The following DLEC1 variants were observed in gnomAD, a reference collection of about 807,000 sequenced individuals.
The protein encoded by DLEC1 is DLEC1 cilia and flagella associated protein.
A neutral mutation model predicts 198.1 loss-of-function variants in DLEC1; 146 were observed. That is an observed-to-expected ratio of 0.74 (90% CI 0.64 to 0.85). The LOEUF (loss-of-function observed/expected upper bound fraction) is 0.85, where lower values mean the gene tolerates loss of function less well. DLEC1 is among the 40% of genes least tolerant of loss of function. DLEC1 has a pLI of 0.00. For synonymous variants in DLEC1, 897 were observed against 866.8 expected (o/e 1.03, Z -0.61); for missense variants, 2,233 against 2,220.0 (o/e 1.01, Z -0.12).
chr3:38,068,159 C>T lies in DLEC1; in HGVS notation c.1173+4240C>T, dbSNP rs547025169. Among the ~76,000 whole-genome samples, 15 of 152,228 alleles carry T rather than the reference C, an allele frequency of 9.9e-5. 1 individual carries two copies. The highest frequency in any genetic ancestry group is 4.1e-4 in the South Asian group (2 of 4,820). ...GCACAGCACTACATCCTCTGCATGC[C>T]GTAGATTACAAACAAGTCACTAAGG... On this transcript the variant is annotated intron_variant, in intron 6 of 36. Transcript: ENST00000308059.
chr3:38,053,073 G>C (rs1244722529), intron 2 of DLEC1, among the ~76,000 whole-genome samples: 1 of 152,250 alleles, frequency 6.6e-6, no homozygotes, highest in East Asian at 1.9e-4. Context: ...ATTGTAGACG[G>C]AGTCTCGTTC....
chr3:38,114,824 G>A (rs986070012), intron 26 of DLEC1, among the ~76,000 whole-genome samples, 159 bp from the exon 27 acceptor site: 1 of 152,158 alleles, frequency 6.6e-6, no homozygotes, highest in Non-Finnish European at 1.5e-5. Context: ...ACCTGGTGCC[G>A]CCTGGGGAAG....
In DLEC1 at chr3:38,116,878, C is replaced by T. The variant is rs779966796; in HGVS notation, c.4168C>T (p.Pro1390Ser). The T allele has an allele frequency of 6.2e-7, 1 of 1,613,212 alleles. No individual in the cohort carries two copies. Among genetic ancestry groups the T allele is most frequent in the Non-Finnish European group, 8.5e-7 (1 of 1,179,566 alleles). ...CTCCGGCCACCTGTACTGTATCAGC[C>T]CCAAGCAGGTGGTGAGTTGGGGTAT... The part of the protein sequence containing the change: ...VPSGHLYCIS[P>S]KQVVVPAGGS... Residue 1390 changes from proline to serine, a missense_variant, in exon 29 of 37, where the codon CCC becomes TCC. Transcript: ENST00000308059.
intron 23 of DLEC1, 125 bp from the exon 24 acceptor site, chr3:38,111,552 A>G: frequency 1.1e-6 from 1 of 898,890 alleles, no homozygotes; most frequent in East Asian, 3.0e-5. Context: ...TCCCCTGGGA[A>G]GAGCAGGCAG....
chr3:38,080,795 G>C (rs1019680847), intron 6 of DLEC1, among the ~76,000 whole-genome samples: 1 of 139,240 alleles, frequency 7.2e-6, no homozygotes, highest in Non-Finnish European at 1.6e-5. Context: ...GAAGGGGTTC[G>C]GGTGTTCTTT....
rs369092674 is a variant in DLEC1 at position 38,097,260 on chromosome 3, G to A, written c.2419G>A (p.Gly807Ser). The A allele has an allele frequency of 1.6e-4, 258 of 1,582,084 alleles. No individual in the cohort carries two copies. The highest frequency in any genetic ancestry group is 2.0e-4 in the Non-Finnish European group (231 of 1,162,852). Reference protein sequence around the residue: ...SDCHIIEVEPGTGVIEPSEVG... With the variant: ...SDCHIIEVEPSTGVIEPSEVG... The stretch of plus-strand genomic sequence containing the variant: ...CTGCCACATCATTGAAGTGGAGCCC[G>A]GCACAGGGGTCATAGGTACCTTGGG... The change falls in exon 16 of 37, where the codon GGC becomes AGC. Residue 807 changes from glycine to serine, a missense_variant. By Grantham distance (56) the Gly-to-Ser change is moderately conservative. Transcript: ENST00000308059.
At chr3:38,084,072 T>G in intron 6 of DLEC1, 86 bp from the exon 7 acceptor site, 3 of 1,349,560 alleles carry the variant, frequency 2.2e-6, no homozygotes, top group East Asian at 2.4e-5. Context: ...CTCTACCCCC[T>G]TCTCATATTA....
chr3:38,114,426 A>AC lies in DLEC1; in HGVS notation c.3752dup (p.Ile1252TyrfsTer2). ...CAGCTCCCTGAGGACCACCTCCTAC[A>AC]CTATTGACCAGGCCCAGAAGGAACC... On this transcript the variant is annotated frameshift_variant, in exon 26 of 37. Coordinates refer to ENST00000308059, the MANE Select transcript of DLEC1 (RefSeq NM_007335.4). LOFTEE classifies it high-confidence loss of function. 6.2e-7 allele frequency: 1 copy of AC among 1,614,190 alleles called. No individual in the cohort carries two copies. Among genetic ancestry groups the AC allele is most frequent in the South Asian group, 1.1e-5 (1 of 91,088 alleles).
rs1335725581 is a variant in DLEC1 at position 38,117,870 on chromosome 3, A to G, written c.4550A>G (p.Tyr1517Cys). 6.2e-7 allele frequency: 1 copy of G among 1,613,840 alleles called. No individual in the cohort carries two copies. The highest frequency in any genetic ancestry group is 2.2e-5 in the East Asian group (1 of 44,866). ...ACCAACACTACAGAGATCCCACACT[A>G]CTTCCGGCTTATGGTCTCCAGGCCC... ...KLTNTTEIPH[Y>C]FRLMVSRPFS... The change falls in exon 33 of 37, where the codon TAC (tyrosine) becomes TGC (cysteine). Residue 1517 changes from tyrosine (Y) to cysteine (C), a missense_variant. Transcript: ENST00000308059.
chr3:38,051,453 A>G (rs969643023), intron 2 of DLEC1, among the ~76,000 whole-genome samples: 1 of 152,176 alleles, frequency 6.6e-6, no homozygotes, highest in Non-Finnish European at 1.5e-5. Flanking sequence ...TCCCAAGTCA[A>G]TGGGGCCATC....
intron 6 of DLEC1, 77 bp downstream of exon 6, chr3:38,063,996 C>CTT (rs375420632): frequency 5.5e-5 from 31 of 562,746 alleles, no homozygotes; most frequent in South Asian, 2.4e-4. Context: ...TGGAAATTTT[C>CTT]TTTTTTTTTT....
At chr3:38,042,806 C>T (rs3792519) in intron 1 of DLEC1, among the ~76,000 whole-genome samples, 29,611 of 152,132 alleles carry the variant, frequency 0.19, 3,473 homozygotes, top group East Asian at 0.35. Flanking sequence ...CCACCCGCCT[C>T]GGCCTCCCAA....
In DLEC1 at chr3:38,084,244, G is replaced by T; in HGVS notation, c.1260G>T (p.Leu420=). 6.2e-7 allele frequency: 1 copy of T among 1,611,566 alleles called. No individual in the cohort carries two copies. Among genetic ancestry groups the T allele is most frequent in the South Asian group, 1.1e-5 (1 of 91,008 alleles). The change falls in exon 7 of 37, where the codon CTG becomes CTT. Residue 420 remains leucine, a splice_region_variant and synonymous_variant. Transcript: ENST00000308059. ...PPSTPYFALG[L]GMFPGKGGMV... is the part of the protein sequence containing the mutation. ...CCACGCCATACTTCGCTCTGGGACT[G>T]GGTAAGTTCAGTATTTGTAAGTTCA...
chr3:38,043,839 G>C (rs1394911139), intron 1 of DLEC1, among the ~76,000 whole-genome samples: 19 of 152,092 alleles, frequency 1.2e-4, no homozygotes, highest in Non-Finnish European at 2.8e-4. Context: ...GATTACAAGT[G>C]CCTGCCACCA....
At chr3:38,064,225 G>A (rs955185895) in intron 6 of DLEC1, among the ~76,000 whole-genome samples, 1 of 151,850 alleles carries the variant, frequency 6.6e-6, no homozygotes, top group African/African-American at 2.4e-5. Context: ...TAACGAGCAT[G>A]CTGCCTTCAA....
At chr3:38,109,370 C>T in intron 21 of DLEC1, 62 bp from the exon 22 acceptor site, 5 of 1,602,686 alleles carry the variant, frequency 3.1e-6, no homozygotes, top group East Asian at 2.2e-5. Context: ...TGCGGAAGAC[C>T]ATCTGGGCTC....
chr3:38,097,629 G>A lies in DLEC1; in HGVS notation c.2557G>A (p.Val853Ile), dbSNP rs202125600. The change falls in exon 17 of 37, where the codon GTC becomes ATC. Residue 853 changes from valine (V) to isoleucine (I), a missense_variant. Transcript: ENST00000308059. ...PSPVVLHIEA[V>I]FKGPALIINV... ...GCCAGTGGTGTTACACATTGAGGCTGTCTTTAAGGTGCTGCAGGTGGAGCT... is the reference window on the plus strand; with the variant it reads ...GCCAGTGGTGTTACACATTGAGGCTATCTTTAAGGTGCTGCAGGTGGAGCT... 2.5e-4 allele frequency: 399 copies of A among 1,614,222 alleles called. 1 individual carries two copies. The highest frequency in any genetic ancestry group is 4.9e-4 in the Middle Eastern group (3 of 6,062).
At chr3:38,101,926 G>GA (rs1200304083) in intron 19 of DLEC1, among the ~76,000 whole-genome samples, 1 of 152,120 alleles carries the variant, frequency 6.6e-6, no homozygotes, top group African/African-American at 2.4e-5. Flanking sequence ...CTCCTGAAAG[G>GA]ACCTTGTATT....
chr3:38,109,947 TG>T, intron 22 of DLEC1, 151 bp from the exon 23 acceptor site: 1 of 855,238 alleles, frequency 1.2e-6, no homozygotes, highest in Non-Finnish European at 1.8e-6. Context: ...GCAGGAAAGG[TG>T]GGTCTGTGGT....
Sources: gnomAD v4.1 joint callset for allele counts (sites outside exome capture counted in the v4.1 genomes callset) on GRCh38, gnomAD v4.1.1 for gene constraint, MANE v1.5 for transcripts, NCBI Gene and HGNC (gene_info 2026-07-23, HGNC 2026-07-21) for gene names.